Variants in TPD52 observed in about 807,000 individuals in gnomAD.
The protein encoded by TPD52 is prostate and colon associated protein.
Under a neutral mutation model 31.3 loss-of-function variants are expected in TPD52, and 17 were observed. That is an observed-to-expected ratio of 0.54 (90% CI 0.37 to 0.82). TPD52 has a LOEUF of 0.82. TPD52 is among the 40% of genes least tolerant of loss of function. The pLI, the probability that TPD52 is intolerant of heterozygous loss-of-function variation, is 0.00. For missense variants in TPD52, 212 were observed against 240.1 expected, an observed-to-expected ratio of 0.88 and a Z score of 0.77; for synonymous variants, 83 against 89.6, an observed-to-expected ratio of 0.93 and a Z score of 0.42.
intron 1 of TPD52, among the ~76,000 whole-genome samples, chr8:80,085,108 T>C (rs1039789230): frequency 2.0e-5 from 3 of 152,112 alleles, no homozygotes; most frequent in Non-Finnish European, 2.9e-5. Flanking sequence ...TGTGTAATAA[T>C]TTATGAGAGA....
chr8:80,129,246 T>A (rs1808849372), intron 1 of TPD52, among the ~76,000 whole-genome samples: 3 of 152,202 alleles, frequency 2.0e-5, no homozygotes. Context: ...ATAATTGCTA[T>A]TATTTTAAAA....
rs188454544 is a variant in TPD52 at position 80,087,824 on chromosome 8, T to C, written c.20-23231A>G. 7.4e-4 allele frequency among the ~76,000 whole-genome samples: 112 copies of C among 152,252 alleles called. 1 individual carries two copies. The highest frequency in any genetic ancestry group is 5.8e-4 in the East Asian group (3 of 5,174). On this transcript the variant is annotated intron_variant, in intron 1 of 7. Transcript: ENST00000518937. Reference sequence around the variant, plus strand: ...TGAGAGGGCAGAGAGGCTGAGAGGTTAATGAACACCCCACACCCCACACCT... The same window carrying C: ...TGAGAGGGCAGAGAGGCTGAGAGGTCAATGAACACCCCACACCCCACACCT...
At position 80,124,117 on chromosome 8, in the gene TPD52, G is replaced by C. The variant is rs186351036; in HGVS notation, c.19+47308C>G. Among the ~76,000 whole-genome samples the C allele has an allele frequency of 1.1e-3, 174 of 151,662 alleles. 2 individuals are homozygous for C. Among genetic ancestry groups the C allele is most frequent in the African/African-American group, 3.9e-3 (163 of 41,380 alleles). On this transcript the variant is annotated intron_variant, in intron 1 of 7. Transcript: ENST00000518937. ...AGGTAACATGTTAGGCAATACTAGA[G>C]AGGGACCTGTAGCCAAAGAAGGGGT...
rs2130524813 is a variant in TPD52, at chr8:80,051,282, A to C, written c.386+245T>G. 2.5e-5 allele frequency: 13 copies of C among 526,160 alleles called. No homozygotes were observed. The South Asian group carries it at 3.1e-4, about 12-fold the overall frequency. The allele number at this position is 526,160 out of a possible 1,614,324, so 32.6% of individuals were successfully genotyped here. ...ATGATCATGAAGAACTAAAAAGACA[A>C]AGAAGTTCACAACCAGAATTTTTCA... On this transcript the variant is annotated intron_variant, in intron 4 of 7. Coordinates refer to ENST00000518937, the MANE Select transcript of TPD52 (RefSeq NM_001025253.3).
intron 7 of TPD52, among the ~76,000 whole-genome samples, chr8:80,041,366 G>C (rs1362144484): frequency 6.6e-6 from 1 of 152,182 alleles, no homozygotes; most frequent in Non-Finnish European, 1.5e-5. Flanking sequence ...TGCTTTTAAA[G>C]ATGCATTTCG....
intron 6 of TPD52, 35 bp downstream of exon 6, chr8:80,044,132 T>G (rs369389585): frequency 1.9e-6 from 3 of 1,551,548 alleles, no homozygotes; most frequent in Non-Finnish European, 2.6e-6. Context: ...AAATAAAGCA[T>G]AAGACCAACT....
chr8:80,038,045 C>T lies in TPD52; in HGVS notation c.*71G>A, dbSNP rs1810029634. On this transcript the variant is annotated 3_prime_UTR_variant, in exon 8 of 8. Coordinates refer to ENST00000518937, the MANE Select transcript of TPD52 (RefSeq NM_001025253.3). ...CATCTGGTAGAAATTCATGGCAATG[C>T]ATGTTGACAAGATGTGCTTGGACCT... 2 of 1,566,804 alleles carry T rather than the reference C, an allele frequency of 1.3e-6. No homozygotes were observed. The highest frequency in any genetic ancestry group is 1.7e-6 in the Non-Finnish European group (2 of 1,149,142).
chr8:80,115,403 G>A (rs1388971696), intron 1 of TPD52, among the ~76,000 whole-genome samples: 2 of 152,218 alleles, frequency 1.3e-5, no homozygotes, highest in African/African-American at 2.4e-5. Flanking sequence ...CCTACAGAGA[G>A]ATGACGAAAA....
intron 1 of TPD52, among the ~76,000 whole-genome samples, chr8:80,132,082 T>C (rs1338882623): frequency 1.3e-5 from 2 of 151,474 alleles, no homozygotes; most frequent in African/African-American, 4.8e-5. Context: ...TAGGATAGAG[T>C]GCTGTGGTGT....
At chr8:80,147,269 G>C (rs1448853218) in intron 1 of TPD52, among the ~76,000 whole-genome samples, 1 of 152,164 alleles carries the variant, frequency 6.6e-6, no homozygotes, top group Non-Finnish European at 1.5e-5. Context: ...GGAGGAGCCT[G>C]GGGAAATGGT....
chr8:80,052,854 G>A (rs1275634043), intron 3 of TPD52, among the ~76,000 whole-genome samples: 2 of 152,056 alleles, frequency 1.3e-5, no homozygotes, highest in African/African-American at 4.8e-5. Flanking sequence ...TAATAATAAA[G>A]ACTGGCTCCA....
At chr8:80,162,839 T>TCACTTGAGCC (rs1235603358) in intron 1 of TPD52, among the ~76,000 whole-genome samples, 1 of 148,506 alleles carries the variant, frequency 6.7e-6, no homozygotes, top group African/African-American at 2.5e-5. Flanking sequence ...GGCAGGAGGA[T>TCACTTGAGCC]CACTTGAGCC....
At chr8:80,162,859 A>C (rs918162828) in intron 1 of TPD52, among the ~76,000 whole-genome samples, 1 of 152,084 alleles carries the variant, frequency 6.6e-6, no homozygotes, top group African/African-American at 2.4e-5. Context: ...CCAGGAGTTC[A>C]AGGTTATGGT....
chr8:80,165,583 T>C (rs1298073456), intron 1 of TPD52, among the ~76,000 whole-genome samples: 1 of 152,182 alleles, frequency 6.6e-6, no homozygotes, highest in Non-Finnish European at 1.5e-5. Context: ...ATATGAAAGA[T>C]GTCCTCCCTC....
intron 1 of TPD52, among the ~76,000 whole-genome samples, chr8:80,111,224 T>C (rs1238208382): frequency 6.6e-6 from 1 of 151,200 alleles, no homozygotes; most frequent in Non-Finnish European, 1.5e-5. Context: ...AAAATAAAAA[T>C]AAAAAATAAA....
intron 1 of TPD52, among the ~76,000 whole-genome samples, chr8:80,069,258 G>A (rs992611434): frequency 3.9e-5 from 6 of 152,088 alleles, no homozygotes; most frequent in African/African-American, 1.4e-4. Flanking sequence ...GAGCCCAGGA[G>A]TTCGAGACCA....
chr8:80,109,641 A>G (rs1254695779), intron 1 of TPD52, among the ~76,000 whole-genome samples: 1 of 152,136 alleles, frequency 6.6e-6, no homozygotes, highest in East Asian at 1.9e-4. Context: ...TCCTGACCTC[A>G]GGTGATCCAC....
At chr8:80,108,100 G>A (rs1178995787) in intron 1 of TPD52, among the ~76,000 whole-genome samples, 2 of 152,164 alleles carry the variant, frequency 1.3e-5, no homozygotes, top group Non-Finnish European at 2.9e-5. Flanking sequence ...TGGAGGACCT[G>A]TCTTTAGGCA....
intron 1 of TPD52, among the ~76,000 whole-genome samples, chr8:80,111,384 C>T (rs1807486371): frequency 6.6e-6 from 1 of 152,090 alleles, no homozygotes; most frequent in Non-Finnish European, 1.5e-5. Flanking sequence ...GACACTACCT[C>T]TAGATAGAGT....
Sources: gnomAD v4.1 joint callset for allele counts (sites outside exome capture counted in the v4.1 genomes callset) on GRCh38, gnomAD v4.1.1 for gene constraint, MANE v1.5 for transcripts, NCBI Gene and HGNC (gene_info 2026-07-23, HGNC 2026-07-21) for gene names.